RAB3IL1: variants seen among roughly 807,000 people sequenced by gnomAD.
The protein encoded by RAB3IL1 is guanine nucleotide exchange factor for Rab-3A.
In RAB3IL1, 37 loss-of-function variants were observed where a neutral mutation model predicts 49.2. That is an observed-to-expected ratio of 0.75 (90% CI 0.58 to 0.99). The LOEUF is 0.99. RAB3IL1 is among the 50% of genes least tolerant of loss of function. RAB3IL1 has a pLI of 0.00. For missense variants in RAB3IL1, 484 were observed against 513.0 expected (o/e 0.94, Z 0.55); for synonymous variants, 193 against 213.9 (o/e 0.90, Z 0.85).
chr11:61,912,702 A>G (rs1379138119), intron 1 of RAB3IL1, among the ~76,000 whole-genome samples: 1 of 152,164 alleles, frequency 6.6e-6, no homozygotes, highest in Non-Finnish European at 1.5e-5. Flanking sequence ...GTGGCCTGTC[A>G]CCCAGAGGAA....
chr11:61,897,900 C>T lies in RAB3IL1; in HGVS notation c.*378G>A, dbSNP rs1249975632. ...ACCCAGAACAGTCCCTTTCTGAAGACAAGCCAGCAACAAGGCACCTGCAGG... is the reference window on the plus strand; with the variant it reads ...ACCCAGAACAGTCCCTTTCTGAAGATAAGCCAGCAACAAGGCACCTGCAGG... On this transcript the variant is annotated 3_prime_UTR_variant, in exon 10 of 10. Coordinates refer to ENST00000394836, the MANE Select transcript of RAB3IL1 (RefSeq NM_013401.4). 1.8e-5 allele frequency: 4 copies of T among 218,712 alleles called. No homozygotes were observed. Among genetic ancestry groups the T allele is most frequent in the South Asian group, 1.3e-4 (2 of 15,174 alleles). 13.5% of individuals were successfully genotyped at this position (218,712 alleles called of 1,614,324 possible). A position where few individuals can be genotyped will look rare whatever the true frequency, so the allele number is the denominator to read the frequency against.
the RAB3IL1 span, among the ~76,000 whole-genome samples, chr11:61,938,787 A>G: frequency 6.6e-6 from 1 of 152,072 alleles, no homozygotes; most frequent in Non-Finnish European, 1.5e-5. Context: ...TTAGCTGGGC[A>G]TGGCAGTGTG....
At chr11:61,918,276 C>T (rs148989632), upstream of RAB3IL1, among the ~76,000 whole-genome samples, 28 of 152,302 alleles carry the variant, frequency 1.8e-4, no homozygotes, top group Admixed American at 1.4e-3. Context: ...CCTGATCATT[C>T]GTCTCAACTT....
upstream of RAB3IL1, among the ~76,000 whole-genome samples, chr11:61,924,909 C>T (rs1230125428): frequency 6.6e-6 from 1 of 152,122 alleles, no homozygotes; most frequent in Non-Finnish European, 1.5e-5. Flanking sequence ...GAAAGCTCAG[C>T]CACCTTGTGG....
At chr11:61,941,137 A>C in the RAB3IL1 span, among the ~76,000 whole-genome samples, 1 of 152,100 alleles carries the variant, frequency 6.6e-6, no homozygotes, top group Non-Finnish European at 1.5e-5. Context: ...AAAAACTACT[A>C]CCAACCTTAC....
intron 9 of RAB3IL1, chr11:61,899,073 G>A (rs1237521882): frequency 6.9e-6 from 4 of 575,772 alleles, no homozygotes; most frequent in Non-Finnish European, 1.3e-5. Context: ...CACAGGGGTG[G>A]CCCCCTTGTG....
At chr11:61,910,434 G>T (rs1346658401) in intron 1 of RAB3IL1, among the ~76,000 whole-genome samples, 1 of 152,220 alleles carries the variant, frequency 6.6e-6, no homozygotes, top group African/African-American at 2.4e-5. Context: ...GGCCAGATGG[G>T]GCAAGCCTGG....
At chr11:61,907,296 G>C (rs952691048) in intron 4 of RAB3IL1, 97 bp downstream of exon 4, 37 of 1,328,860 alleles carry the variant, frequency 2.8e-5, no homozygotes, top group Non-Finnish European at 3.8e-5. Flanking sequence ...CACCGGGCCA[G>C]GTGAGCGTCC....
At chr11:61,934,446 G>GTGTATGTGTATGTATGTATATGTATA in the RAB3IL1 span, among the ~76,000 whole-genome samples, 9 of 24,408 alleles carry the variant, frequency 3.7e-4, 1 homozygote, top group African/African-American at 7.3e-4. Context: ...GTGTGTGTGT[G>GTGTATGTGTATGTATGTATATGTATA]TATGTATATA....
chr11:61,944,220 C>CTCCTTCCCTCCTTCCTTCCTTCCT, the RAB3IL1 span, among the ~76,000 whole-genome samples: 183 of 37,068 alleles, frequency 4.9e-3, 2 homozygotes, highest in African/African-American at 8.9e-3. Context: ...CCTTCCTTCC[C>CTCCTTCCCTCCTTCCTTCCTTCCT]TCCTTCCTTC....
intron 9 of RAB3IL1, 41 bp downstream of exon 9, chr11:61,899,273 C>G (rs1938775045): frequency 6.3e-7 from 1 of 1,583,672 alleles, no homozygotes; most frequent in African/African-American, 1.3e-5. Context: ...CAGCCCCACT[C>G]CCGTGTGCGA....
chr11:61,938,377 A>C, the RAB3IL1 span, among the ~76,000 whole-genome samples: 4 of 152,110 alleles, frequency 2.6e-5, no homozygotes, highest in Non-Finnish European at 4.4e-5. Context: ...GTGACAAGGG[A>C]CTCTGTATTT....
At chr11:61,929,987 G>A in the RAB3IL1 span, among the ~76,000 whole-genome samples, 1 of 138,446 alleles carries the variant, frequency 7.2e-6, no homozygotes, top group East Asian at 2.3e-4. Context: ...TTGCCTCCCA[G>A]GTTCAAGTGA....
At chr11:61,914,561 C>A (rs1393749885) in intron 1 of RAB3IL1, among the ~76,000 whole-genome samples, 1 of 152,176 alleles carries the variant, frequency 6.6e-6, no homozygotes, top group African/African-American at 2.4e-5. Context: ...GGAAGGGGGA[C>A]AACCCAGTTT....
the RAB3IL1 span, among the ~76,000 whole-genome samples, chr11:61,926,205 G>T: frequency 7.0e-6 from 1 of 143,278 alleles, no homozygotes; most frequent in Non-Finnish European, 1.5e-5. Flanking sequence ...AACACATAAA[G>T]AATTTGCGAA....
intron 7 of RAB3IL1, among the ~76,000 whole-genome samples, chr11:61,902,952 C>T (rs1938994373): frequency 6.6e-6 from 1 of 152,118 alleles, no homozygotes; most frequent in South Asian, 2.1e-4. Context: ...CAGCAGCTCC[C>T]CTGCTTCATC....
intron 1 of RAB3IL1, among the ~76,000 whole-genome samples, chr11:61,915,313 G>C (rs1381005316): frequency 6.6e-6 from 1 of 152,074 alleles, no homozygotes; most frequent in African/African-American, 2.4e-5. Context: ...CTGGATGGTG[G>C]GGAGGGGTCC....
the RAB3IL1 span, among the ~76,000 whole-genome samples, chr11:61,929,589 G>C: frequency 7.1e-6 from 1 of 141,436 alleles, no homozygotes; most frequent in Admixed American, 7.2e-5. Context: ...GAACCAAGCA[G>C]ATTTTTTTTT....
At chr11:61,921,555 C>T (rs894926810), upstream of RAB3IL1, among the ~76,000 whole-genome samples, 4 of 152,178 alleles carry the variant, frequency 2.6e-5, no homozygotes, top group Non-Finnish European at 4.4e-5. Flanking sequence ...TTTTCCTCTG[C>T]AGGCACCAGA....
Sources: allele counts gnomAD v4.1 joint callset (sites outside exome capture counted in the v4.1 genomes callset), GRCh38; gene constraint gnomAD v4.1.1; transcripts MANE v1.5; gene names NCBI Gene and HGNC (gene_info 2026-07-23, HGNC 2026-07-21).